The following TSC2 variants were observed in gnomAD, a reference collection of about 807,000 sequenced individuals.
TSC2 encodes the protein TSC complex subunit 2, also known as tuberin.
Under a neutral mutation model 202.2 loss-of-function variants are expected in TSC2, and 29 were observed. That is an observed-to-expected ratio of 0.14 (90% CI 0.11 to 0.20). The LOEUF (loss-of-function observed/expected upper bound fraction) is 0.20, where lower values mean the gene tolerates loss of function less well. Among genes scored for constraint, TSC2 ranks in the 10% least tolerant of loss-of-function variants. TSC2 has a pLI of 1.00. For missense variants in TSC2, 2,429 were observed against 2,420.0 expected (o/e 1.00, Z -0.08); for synonymous variants, 1,349 against 1,044.0 (o/e 1.29, Z -5.63).
Position 2,071,460 on chromosome 16 carries a change from C to T in TSC2, c.1840-50C>T, listed in dbSNP as rs374590863. On this transcript the variant is annotated intron_variant, in intron 17 of 41. Coordinates refer to ENST00000219476, the MANE Select transcript of TSC2 (RefSeq NM_000548.5). ...CTGAGCAGGTGGGACGCCGCCTGTCCTGGGCCTGCACGAGCTTGGCTCTGG... is the reference window on the plus strand; with the variant it reads ...CTGAGCAGGTGGGACGCCGCCTGTCTTGGGCCTGCACGAGCTTGGCTCTGG... 9 of 1,606,210 alleles carry T rather than the reference C, an allele frequency of 5.6e-6. No individual in the cohort carries two copies. The African/African-American group carries it at 1.2e-4, about 21-fold the overall frequency.
At chr16:2,081,551 G>C (rs1415025043) in intron 30 of TSC2, 44 bp from the exon 31 acceptor site, 1 of 1,611,734 alleles carries the variant, frequency 6.2e-7, no homozygotes, top group African/African-American at 1.3e-5. Context: ...AGATGGGTAA[G>C]GGGAGGTACT....
intron 32 of TSC2, chr16:2,083,490 C>T (rs1457296960): frequency 1.1e-5 from 9 of 845,988 alleles, no homozygotes; most frequent in Admixed American, 4.2e-5. Context: ...GGCACTCATG[C>T]AGGAGAGGCC....
At position 2,079,250 on chromosome 16, in the gene TSC2, T is replaced by C. The variant is rs757422556; in HGVS notation, c.3132-26T>C. On this transcript the variant is annotated intron_variant, in intron 27 of 41. Transcript: ENST00000219476. This position sits in a 1 kb window ranked among gnomAD's most constrained non-coding sequence, Gnocchi z 4.6. The stretch of plus-strand genomic sequence containing the variant: ...GCCTGCGGGAGCTCCACGGGCAAGC[T>C]GGGTTTCACGCTCCCTGTCTTCTAG... 63 of 1,612,772 alleles carry C rather than the reference T, an allele frequency of 3.9e-5. No individual in the cohort carries two copies. Among genetic ancestry groups the C allele is most frequent in the Non-Finnish European group, 5.1e-5 (60 of 1,180,008 alleles).
intron 3 of TSC2, among the ~76,000 whole-genome samples, chr16:2,050,804 G>T (rs1859275984): frequency 6.6e-6 from 1 of 151,790 alleles, no homozygotes. Flanking sequence ...GGCCAGGCTG[G>T]TCTTGAACTC....
In TSC2 at chr16:2,072,694, C is replaced by T. The variant is rs999612676; in HGVS notation, c.2221-155C>T. The T allele has an allele frequency of 9.3e-6, 12 of 1,285,842 alleles. No individual in the cohort carries two copies. In the East Asian group the frequency reaches 2.0e-4, roughly 21 times the overall value. 79.7% of individuals were successfully genotyped at this position (1,285,842 alleles called of 1,614,324 possible). A position where few individuals can be genotyped will look rare whatever the true frequency, so the allele number is the denominator to read the frequency against. ...TACTTGGCAGGCACTCCCACCACTC[C>T]GAAAGGGAGGCCCTTCCTGGGAGGG... On this transcript the variant is annotated intron_variant, in intron 20 of 41. Coordinates refer to ENST00000219476, the MANE Select transcript of TSC2 (RefSeq NM_000548.5).
Position 2,060,830 on chromosome 16 carries a change from AG to A in TSC2, c.1119+18del. On this transcript the variant is annotated intron_variant, in intron 11 of 41. Transcript: ENST00000219476. ...CAGCTCCAGGTGGGGTGGGGGCAGG[AG>A]CTCCGGGGAGCACCGGGAACCCAGA... 6.2e-7 allele frequency: 1 copy of A among 1,612,186 alleles called. No homozygotes were observed. The highest frequency in any genetic ancestry group is 1.1e-5 in the South Asian group (1 of 91,046).
rs2091243947 is a variant in TSC2 at position 2,088,721 on chromosome 16, G to A, written c.*111G>A. 2 of 1,412,028 alleles carry A rather than the reference G, an allele frequency of 1.4e-6. No homozygotes were observed. The highest frequency in any genetic ancestry group is 2.1e-5 in the Admixed American group (1 of 46,708). The allele number at this position is 1,412,028 out of a possible 1,614,324, so 87.5% of individuals were successfully genotyped here. ...TAGAGGCACAGATTGCAGTCAGACA[G>A]CTCTTTTATTGACTTTGTCTGCTTG... On this transcript the variant is annotated 3_prime_UTR_variant, in exon 42 of 42. Coordinates refer to ENST00000219476, the MANE Select transcript of TSC2 (RefSeq NM_000548.5).
Position 2,080,786 on chromosome 16 carries a change from T to C in TSC2, c.3610+409T>C, listed in dbSNP as rs757600779. 12 of 223,850 alleles carry C rather than the reference T, an allele frequency of 5.4e-5. No homozygotes were observed. The East Asian group carries it at 1.2e-3, about 23-fold the overall frequency. The allele number at this position is 223,850 out of a possible 1,614,324, so 13.9% of individuals were successfully genotyped here. A position where few individuals can be genotyped will look rare whatever the true frequency, so the allele number is the denominator to read the frequency against. ...GGCGTGAGCCACCGCGCCCAGCCAT[T>C]TGGGGGTAACTTGTAAGTCTCCAGA... On this transcript the variant is annotated intron_variant, in intron 30 of 41. Coordinates refer to ENST00000219476, the MANE Select transcript of TSC2 (RefSeq NM_000548.5).
At chr16:2,056,103 T>G in intron 6 of TSC2, 93 bp from the exon 7 acceptor site, 1 of 1,532,756 alleles carries the variant, frequency 6.5e-7, no homozygotes, top group Non-Finnish European at 9.0e-7. Context: ...GAGCCATGCG[T>G]GTTATTGACG....
Position 2,086,118 on chromosome 16 carries a change from T to TGGGCACCCCCACCCTCTGCG in TSC2, c.4663-69_4663-50dup, listed in dbSNP as rs1253424478. On this transcript the variant is annotated intron_variant, in intron 36 of 41. Coordinates refer to ENST00000219476, the MANE Select transcript of TSC2 (RefSeq NM_000548.5). The stretch of plus-strand genomic sequence containing the variant: ...GAGTGGGGCTCCCGGCAGAGCCTGC[T>TGGGCACCCCCACCCTCTGCG]GGGCACCCCCACCCTCTGCGGGGCA... 3.8e-6 allele frequency: 6 copies of TGGGCACCCCCACCCTCTGCG among 1,574,806 alleles called. No individual in the cohort carries two copies. The Admixed American group carries it at 5.0e-5, about 13-fold the overall frequency.
intron 15 of TSC2, 184 bp from the exon 16 acceptor site, chr16:2,065,335 C>G (rs2087181703): frequency 1.6e-6 from 1 of 625,272 alleles, no homozygotes; most frequent in Non-Finnish European, 2.9e-6. Flanking sequence ...ATGGCGTGAA[C>G]CTGGGAGGCG....
At position 2,055,363 on chromosome 16, in the gene TSC2, A is replaced by AT. The variant is rs1567402918; in HGVS notation, c.482-37dup. ...AGGGGGAGGTGAGTGGGAGATGTAG[A>AT]TTCGGCGTCCTCGCAAACTGCCGCC... On this transcript the variant is annotated intron_variant, in intron 5 of 41. Coordinates refer to ENST00000219476, the MANE Select transcript of TSC2 (RefSeq NM_000548.5). 5 of 1,543,368 alleles carry AT rather than the reference A, an allele frequency of 3.2e-6. No individual in the cohort carries two copies. The South Asian group carries it at 5.6e-5, about 17-fold the overall frequency.
intron 14 of TSC2, 134 bp downstream of exon 14, chr16:2,063,187 C>G: frequency 8.9e-7 from 1 of 1,124,144 alleles, no homozygotes; most frequent in South Asian, 1.3e-5. Context: ...CTGCAGCCCC[C>G]AGCGTGGTCT....
At position 2,077,588 on chromosome 16, in the gene TSC2, C is replaced by T. The variant is rs1596374422; in HGVS notation, c.2838-10C>T. On this transcript the variant is annotated splice_polypyrimidine_tract_variant and intron_variant, in intron 25 of 41. Coordinates refer to ENST00000219476, the MANE Select transcript of TSC2 (RefSeq NM_000548.5). Reference sequence around the variant, plus strand: ...CTCTGGGGCGTTGGGGCTCCTTCCTCACCCGATAGTCTGAGGATAGCCAGA... The same window carrying T: ...CTCTGGGGCGTTGGGGCTCCTTCCTTACCCGATAGTCTGAGGATAGCCAGA... 3.1e-5 allele frequency: 50 copies of T among 1,612,822 alleles called. No individual in the cohort carries two copies. The highest frequency in any genetic ancestry group is 4.2e-5 in the Non-Finnish European group (49 of 1,179,986).
rs1555508975 is a variant in TSC2 at position 2,076,552 on chromosome 16, C to A, written c.2804C>A (p.Ala935Asp). ...ACCCCCGAGAAGGACAGCTTCAGGG[C>A]CCGGAGTACTAGTCTCAACGAGAGA... is the stretch of plus-strand genomic sequence containing the variant. ...DDTPEKDSFR[A>D]RSTSLNERPK... The change falls in exon 25 of 42, where the codon GCC becomes GAC. Residue 935 changes from alanine to aspartate, a missense_variant. By Grantham distance (126) the Ala-to-Asp change is moderately radical. Coordinates refer to ENST00000219476, the MANE Select transcript of TSC2 (RefSeq NM_000548.5). 1 of 1,613,420 alleles carries A rather than the reference C, an allele frequency of 6.2e-7. No homozygotes were observed. The highest frequency in any genetic ancestry group is 8.5e-7 in the Non-Finnish European group (1 of 1,179,980).
In TSC2 at chr16:2,076,386, C is replaced by G. The variant is rs796746212; in HGVS notation, c.2743-105C>G. 4 of 1,587,650 alleles carry G rather than the reference C, an allele frequency of 2.5e-6. No individual in the cohort carries two copies. The African/African-American group carries it at 4.0e-5, about 16-fold the overall frequency. ...GGGAGCTGGGTGCCGCCGCCTTGCC[C>G]CTAGCCTGCAGCTTGTCCCTGGCCA... On this transcript the variant is annotated intron_variant, in intron 24 of 41. Transcript: ENST00000219476.
intron 9 of TSC2, among the ~76,000 whole-genome samples, chr16:2,057,642 A>G (rs904554104): frequency 4.6e-5 from 7 of 151,934 alleles, no homozygotes; most frequent in African/African-American, 1.5e-4. Flanking sequence ...AGCCCACTCC[A>G]TGCAGCACCC....
intron 15 of TSC2, 72 bp downstream of exon 15, chr16:2,064,499 C>T (rs1174211032): frequency 6.2e-7 from 1 of 1,603,994 alleles, no homozygotes; most frequent in Non-Finnish European, 8.5e-7. Flanking sequence ...CCTCTGGGCC[C>T]TCTGTCCTCC....
intron 3 of TSC2, 40 bp downstream of exon 3, chr16:2,050,526 G>T: frequency 6.4e-7 from 1 of 1,568,874 alleles, no homozygotes; most frequent in Non-Finnish European, 8.8e-7. Flanking sequence ...GAGGCACGTA[G>T]ACTATTCAGA....
Sources: allele counts gnomAD v4.1 joint callset (sites outside exome capture counted in the v4.1 genomes callset), GRCh38; gene constraint gnomAD v4.1.1; non-coding constraint Gnocchi (gnomAD v3.1); transcripts MANE v1.5; gene names NCBI Gene and HGNC (gene_info 2026-07-23, HGNC 2026-07-21).